Variants in CDH13 observed in about 807,000 individuals in gnomAD.
CDH13 encodes cadherin-13.
A neutral mutation model predicts 63.8 loss-of-function variants in CDH13; 24 were observed. The observed-to-expected ratio is 0.38, with a 90% CI of 0.27 to 0.53. The LOEUF is 0.53. Ranked by LOEUF, CDH13 falls within the 20% of genes least tolerant of loss-of-function variation. The probability of loss-of-function intolerance (pLI) is 0.85; values close to 1 mark genes in which losing one functional copy is unlikely to be tolerated. For synonymous variants in CDH13, 503 were observed against 355.3 expected (o/e 1.42, Z -4.67); for missense variants, 1,049 against 903.1 (o/e 1.16, Z -2.07).
intron 1 of CDH13, among the ~76,000 whole-genome samples, chr16:82,817,374 G>A (rs547018233): frequency 2.6e-5 from 4 of 152,214 alleles, no homozygotes; most frequent in African/African-American, 9.6e-5. Flanking sequence ...TCCATTGACT[G>A]CACAATAAGC....
Position 83,660,038 on chromosome 16 carries a change from C to T in CDH13, c.1102-10752C>T, listed in dbSNP as rs113646933. Among the ~76,000 whole-genome samples the T allele has an allele frequency of 2.3e-3, 349 of 152,136 alleles. 2 individuals are homozygous for T. Among genetic ancestry groups the T allele is most frequent in the African/African-American group, 7.4e-3 (308 of 41,496 alleles). ...CTGACCTCAGGTGATCCTCCTGCCT[C>T]GGCCTCCCAAAGTGCTGAGATTACA... On this transcript the variant is annotated intron_variant, in intron 8 of 13. Coordinates refer to ENST00000567109, the MANE Select transcript of CDH13 (RefSeq NM_001257.5).
chr16:82,961,496 A>T (rs543170018), intron 2 of CDH13, among the ~76,000 whole-genome samples: 5 of 151,644 alleles, frequency 3.3e-5, no homozygotes, highest in African/African-American at 1.2e-4. Context: ...CCTGCAATTG[A>T]ACAAACTATT....
chr16:83,014,553 G>A (rs1914494933), intron 2 of CDH13, among the ~76,000 whole-genome samples: 1 of 150,448 alleles, frequency 6.6e-6, no homozygotes. Context: ...GGCCAACATG[G>A]TGAAACCCTG....
At chr16:83,414,212 C>T (rs112413423) in intron 6 of CDH13, among the ~76,000 whole-genome samples, 3,499 of 152,220 alleles carry the variant, frequency 0.023, 63 homozygotes, top group Middle Eastern at 0.075. Flanking sequence ...TCAACATGCT[C>T]AACCATTTTC....
intron 1 of CDH13, among the ~76,000 whole-genome samples, chr16:82,686,633 T>C (rs1202484615): frequency 2.6e-5 from 4 of 152,086 alleles, no homozygotes; most frequent in African/African-American, 9.7e-5. Flanking sequence ...GAATATTCCT[T>C]TCCTCAATGA....
chr16:83,100,830 C>T (rs72798335), intron 3 of CDH13, among the ~76,000 whole-genome samples: 1 of 152,174 alleles, frequency 6.6e-6, no homozygotes, highest in African/African-American at 2.4e-5. Context: ...GGGTAAATTT[C>T]AGCCCTCAGC....
chr16:83,529,562 C>T (rs1248426048), intron 7 of CDH13, among the ~76,000 whole-genome samples: 1 of 152,014 alleles, frequency 6.6e-6, no homozygotes, highest in Non-Finnish European at 1.5e-5. Context: ...AAGAAATGTG[C>T]ATGCCATTTT....
intron 3 of CDH13, among the ~76,000 whole-genome samples, chr16:83,113,312 C>G (rs937816201): frequency 1.3e-5 from 2 of 152,236 alleles, no homozygotes; most frequent in African/African-American, 2.4e-5. Context: ...CAACATCTTA[C>G]TCATTTACTT....
At chr16:83,394,957 G>C (rs1415884946) in intron 6 of CDH13, among the ~76,000 whole-genome samples, 1 of 152,054 alleles carries the variant, frequency 6.6e-6, no homozygotes, top group African/African-American at 2.4e-5. Flanking sequence ...AAACCAGCCT[G>C]GCCAACATGG....
intron 2 of CDH13, among the ~76,000 whole-genome samples, chr16:82,939,506 G>A (rs927898658): frequency 1.3e-5 from 2 of 152,048 alleles, no homozygotes; most frequent in African/African-American, 4.8e-5. Context: ...AGGGAGGCCT[G>A]TTGACAGAAC....
chr16:83,717,436 C>A (rs920192753), intron 10 of CDH13, among the ~76,000 whole-genome samples: 1 of 152,188 alleles, frequency 6.6e-6, no homozygotes, highest in African/African-American at 2.4e-5. Flanking sequence ...ACGTGAAAGT[C>A]CCTGTCTCCA....
intron 1 of CDH13, chr16:82,639,519 T>A (rs1422784213): frequency 8.1e-7 from 1 of 1,227,422 alleles, no homozygotes; most frequent in Non-Finnish European, 1.2e-6. Flanking sequence ...TCCCTAGGGA[T>A]GCTAAGAAAC....
chr16:83,293,189 A>T (rs2089505161), intron 5 of CDH13, among the ~76,000 whole-genome samples: 1 of 152,192 alleles, frequency 6.6e-6, no homozygotes, highest in Non-Finnish European at 1.5e-5. Context: ...CACTACTCAT[A>T]TCTGATAAGG....
chr16:83,130,133 G>C (rs1206223344), intron 4 of CDH13, among the ~76,000 whole-genome samples: 5 of 152,212 alleles, frequency 3.3e-5, no homozygotes, highest in Admixed American at 1.3e-4. Flanking sequence ...GATCTTGCGG[G>C]ATTACAAAAG....
intron 3 of CDH13, among the ~76,000 whole-genome samples, chr16:83,102,055 T>G (rs1177299397): frequency 1.3e-5 from 2 of 152,140 alleles, no homozygotes; most frequent in Non-Finnish European, 2.9e-5. Context: ...AGGGAGGTAA[T>G]GTGTCAGAGC....
intron 3 of CDH13, among the ~76,000 whole-genome samples, chr16:83,044,130 G>C (rs181542996): frequency 6.6e-6 from 1 of 152,170 alleles, no homozygotes; most frequent in African/African-American, 2.4e-5. Context: ...ACATCCATCT[G>C]TTTTTCTCCT....
At chr16:82,638,098 T>C (rs1037575899) in intron 1 of CDH13, among the ~76,000 whole-genome samples, 1 of 152,248 alleles carries the variant, frequency 6.6e-6, no homozygotes. Flanking sequence ...CTTCCTTTCA[T>C]CTGCCTTGCC....
chr16:83,088,575 G>GCC (rs777017148), intron 3 of CDH13, among the ~76,000 whole-genome samples: 3 of 152,100 alleles, frequency 2.0e-5, no homozygotes, highest in Non-Finnish European at 4.4e-5. Flanking sequence ...CTGAGCCTGG[G>GCC]CCCCTGTCCT....
rs561787532 is a variant in CDH13, at chr16:83,000,574, C to CTT, written c.158-31421_158-31420dup. On this transcript the variant is annotated intron_variant, in intron 2 of 13. Coordinates refer to ENST00000567109, the MANE Select transcript of CDH13 (RefSeq NM_001257.5). ...CAAGGTTGTCTCTTTTTTCTTTTCTCTTTTTTTTTTTTTTTTGTTTTGTTT... is the reference window on the plus strand; with the variant it reads ...CAAGGTTGTCTCTTTTTTCTTTTCTCTTTTTTTTTTTTTTTTTTGTTTTGTTT... 3.9e-3 allele frequency among the ~76,000 whole-genome samples: 501 copies of CTT among 127,734 alleles called. 4 individuals are homozygous for CTT. The highest frequency in any genetic ancestry group is 0.03 in the Middle Eastern group (7 of 230). The allele number at this position is 127,734 out of a possible 152,430, so 83.8% of individuals were successfully genotyped here.
Sources: allele counts gnomAD v4.1 joint callset (sites outside exome capture counted in the v4.1 genomes callset), GRCh38; gene constraint gnomAD v4.1.1; transcripts MANE v1.5; gene names NCBI Gene and HGNC (gene_info 2026-07-23, HGNC 2026-07-21).